Variants in TWSG1 observed in about 807,000 individuals in gnomAD.
TWSG1 encodes the protein twisted gastrulation protein homolog 1.
TWSG1 carries 15 observed loss-of-function variants against 23.0 expected under a neutral mutation model. That is an observed-to-expected ratio of 0.65 (90% CI 0.44 to 1.00). The LOEUF is 1.00. Ranked by LOEUF, TWSG1 falls within the 50% of genes least tolerant of loss-of-function variation. The pLI is 0.00. For synonymous variants in TWSG1, 86 were observed against 92.8 expected, an observed-to-expected ratio of 0.93 and a Z score of 0.42; for missense variants, 242 against 278.7, an observed-to-expected ratio of 0.87 and a Z score of 0.94.
At chr18:9,339,945 G>A (rs2040438825) in intron 2 of TWSG1, among the ~76,000 whole-genome samples, 1 of 152,170 alleles carries the variant, frequency 6.6e-6, no homozygotes. Flanking sequence ...CGTATTTTCA[G>A]TCACAAATTC....
chr18:9,361,992 T>TA (rs1470035079), intron 3 of TWSG1, among the ~76,000 whole-genome samples: 1 of 152,228 alleles, frequency 6.6e-6, no homozygotes, highest in African/African-American at 2.4e-5. Flanking sequence ...TCTCCACAGA[T>TA]AGAGTTAGTG....
At chr18:9,386,195 C>A (rs528358578) in intron 3 of TWSG1, among the ~76,000 whole-genome samples, 2 of 149,758 alleles carry the variant, frequency 1.3e-5, no homozygotes, top group South Asian at 4.2e-4. Context: ...TGTGGTGGCT[C>A]ACACCTGTAA....
At chr18:9,389,830 C>T (rs1163828540) in intron 3 of TWSG1, among the ~76,000 whole-genome samples, 1 of 152,070 alleles carries the variant, frequency 6.6e-6, no homozygotes, top group East Asian at 1.9e-4. Flanking sequence ...ATAGCCATAC[C>T]CCACGGAAAT....
intron 3 of TWSG1, among the ~76,000 whole-genome samples, chr18:9,380,681 T>A (rs2040652123): frequency 6.6e-6 from 1 of 152,240 alleles, no homozygotes; most frequent in Admixed American, 6.5e-5. Context: ...GAGAACTGCA[T>A]ACTTAGACTG....
chr18:9,337,381 C>T, intron 2 of TWSG1, 29 bp downstream of exon 2: 1 of 1,606,388 alleles, frequency 6.2e-7, no homozygotes, highest in South Asian at 1.1e-5. Flanking sequence ...TTATTAATAT[C>T]AAAATATATT....
chr18:9,384,154 G>A (rs781675045), intron 3 of TWSG1, among the ~76,000 whole-genome samples: 1 of 152,164 alleles, frequency 6.6e-6, no homozygotes, highest in Non-Finnish European at 1.5e-5. Context: ...GGTTAAACTC[G>A]ACTAGATTTG....
At chr18:9,365,361 C>A (rs1027824826) in intron 3 of TWSG1, among the ~76,000 whole-genome samples, 1 of 151,794 alleles carries the variant, frequency 6.6e-6, no homozygotes, top group Non-Finnish European at 1.5e-5. Context: ...ATGTTGAATT[C>A]TATGGGAAAT....
chr18:9,339,830 T>G (rs2040438233), intron 2 of TWSG1, among the ~76,000 whole-genome samples: 2 of 151,334 alleles, frequency 1.3e-5, no homozygotes, highest in South Asian at 4.2e-4. Flanking sequence ...AAAAACAAAA[T>G]ACTTCAAAAT....
chr18:9,353,427 CTTTCA>C (rs1598823368), intron 2 of TWSG1, among the ~76,000 whole-genome samples: 1 of 152,124 alleles, frequency 6.6e-6, no homozygotes, highest in African/African-American at 2.4e-5. Context: ...TCCTGCCAGA[CTTTCA>C]TTTCATATAA....
At chr18:9,372,699 T>A (rs2040611518) in intron 3 of TWSG1, among the ~76,000 whole-genome samples, 1 of 151,780 alleles carries the variant, frequency 6.6e-6, no homozygotes, top group Non-Finnish European at 1.5e-5. Context: ...TATTCAAATG[T>A]GAACTTGATT....
chr18:9,366,120 G>A (rs1264166103), intron 3 of TWSG1, among the ~76,000 whole-genome samples: 3 of 152,176 alleles, frequency 2.0e-5, no homozygotes, highest in Admixed American at 6.5e-5. Flanking sequence ...TAATTCAGTG[G>A]TGCACTGTTT....
At chr18:9,399,313 C>A (rs748556266) in intron 4 of TWSG1, 33 bp from the exon 5 acceptor site, 2 of 1,501,122 alleles carry the variant, frequency 1.3e-6, no homozygotes, top group Admixed American at 2.3e-5. Flanking sequence ...TTTCTTCTTT[C>A]TTGCCCTGAA....
At chr18:9,382,141 G>T (rs1290728761) in intron 3 of TWSG1, among the ~76,000 whole-genome samples, 4 of 141,020 alleles carry the variant, frequency 2.8e-5, no homozygotes, top group Non-Finnish European at 4.6e-5. Context: ...TCTCAGCTTT[G>T]GTTTCTTCTT....
At chr18:9,386,762 A>C (rs2040686787) in intron 3 of TWSG1, among the ~76,000 whole-genome samples, 1 of 152,162 alleles carries the variant, frequency 6.6e-6, no homozygotes, top group Non-Finnish European at 1.5e-5. Flanking sequence ...CTAGGTTAAA[A>C]AATATTCTAA....
chr18:9,349,510 T>C (rs546968697), intron 2 of TWSG1, among the ~76,000 whole-genome samples: 2 of 152,314 alleles, frequency 1.3e-5, no homozygotes, highest in South Asian at 4.1e-4. Context: ...TAAATAAATC[T>C]TAAGTTTTCT....
chr18:9,388,994 G>A (rs1299866917), intron 3 of TWSG1, among the ~76,000 whole-genome samples: 1 of 151,718 alleles, frequency 6.6e-6, no homozygotes, highest in Non-Finnish European at 1.5e-5. Context: ...GTTTGTTTTT[G>A]AGATGGAATT....
At chr18:9,377,342 C>T (rs1402552243) in intron 3 of TWSG1, among the ~76,000 whole-genome samples, 8 of 151,934 alleles carry the variant, frequency 5.3e-5, no homozygotes, top group Non-Finnish European at 7.4e-5. Context: ...TCTCAGCCTC[C>T]GGAGTAGCTG....
At chr18:9,386,137 C>A (rs1162901960) in intron 3 of TWSG1, among the ~76,000 whole-genome samples, 15 of 147,792 alleles carry the variant, frequency 1.0e-4, no homozygotes, top group African/African-American at 3.5e-4. Flanking sequence ...CCACTGATGC[C>A]TGAGCAACAC....
At chr18:9,351,833 A>T (rs2040503553) in intron 2 of TWSG1, among the ~76,000 whole-genome samples, 1 of 151,720 alleles carries the variant, frequency 6.6e-6, no homozygotes, top group Non-Finnish European at 1.5e-5. Context: ...TTTAGTAGAG[A>T]TGGGGTTTCG....
Sources: allele counts gnomAD v4.1 joint callset (sites outside exome capture counted in the v4.1 genomes callset), GRCh38; gene constraint gnomAD v4.1.1; transcripts MANE v1.5; gene names NCBI Gene and HGNC (gene_info 2026-07-23, HGNC 2026-07-21).